The following SUSD6 variants were observed in gnomAD, a reference collection of about 807,000 sequenced individuals.
SUSD6 encodes the protein sushi domain-containing protein 6.
SUSD6 carries 16 observed loss-of-function variants against 28.4 expected under a neutral mutation model. The ratio of observed to expected loss-of-function variants is 0.56; its 90% CI spans 0.38 to 0.86. The LOEUF (loss-of-function observed/expected upper bound fraction) is 0.86, where lower values mean the gene tolerates loss of function less well. SUSD6 is among the 40% of genes least tolerant of loss of function. The pLI is 0.00. For missense variants in SUSD6, 341 were observed against 384.2 expected (o/e 0.89, Z 0.94); for synonymous variants, 147 against 159.6 (o/e 0.92, Z 0.59).
rs1372200228 is a variant in SUSD6, at chr14:69,714,963, GTCAC to G, written c.*3988_*3991del. On this transcript the variant is annotated 3_prime_UTR_variant, in exon 6 of 6. Coordinates refer to ENST00000342745, the MANE Select transcript of SUSD6 (RefSeq NM_014734.4). ...ATTCATAATTGACTCTGTGCAGGAT[GTCAC>G]TCAATCAGTTTGGGTTTGCTTTATT... 1 of 152,164 alleles carries G rather than the reference GTCAC, an allele frequency of 6.6e-6. No homozygotes were observed. Among genetic ancestry groups the G allele is most frequent in the Non-Finnish European group, 1.5e-5 (1 of 68,040 alleles). The allele number at this position is 152,164 out of a possible 1,614,324, so 9.4% of individuals were successfully genotyped here. A position where few individuals can be genotyped will look rare whatever the true frequency, so the allele number is the denominator to read the frequency against.
At chr14:69,665,274 T>A (rs940006267) in intron 2 of SUSD6, among the ~76,000 whole-genome samples, 3 of 152,088 alleles carry the variant, frequency 2.0e-5, no homozygotes, top group Non-Finnish European at 4.4e-5. Context: ...AGGGTTTCAC[T>A]CAGTTGCCCA....
chr14:69,701,525 A>G (rs1594723121), intron 2 of SUSD6, among the ~76,000 whole-genome samples: 1 of 152,176 alleles, frequency 6.6e-6, no homozygotes, highest in African/African-American at 2.4e-5. Flanking sequence ...CAAAAGAGGG[A>G]AAGTGTAAAG....
At chr14:69,701,725 A>G (rs1348213263) in intron 2 of SUSD6, among the ~76,000 whole-genome samples, 1 of 152,144 alleles carries the variant, frequency 6.6e-6, no homozygotes, top group Non-Finnish European at 1.5e-5. Flanking sequence ...ACTGGAGCTC[A>G]TCTCCTAGTT....
intron 2 of SUSD6, among the ~76,000 whole-genome samples, chr14:69,677,415 T>C (rs2139628211): frequency 6.6e-6 from 1 of 151,936 alleles, no homozygotes; most frequent in Non-Finnish European, 1.5e-5. Flanking sequence ...GGCGTGGTGG[T>C]GGACGCCTGT....
intron 1 of SUSD6, among the ~76,000 whole-genome samples, chr14:69,657,653 A>G (rs1038244658): frequency 7.2e-5 from 11 of 152,222 alleles, no homozygotes; most frequent in African/African-American, 2.7e-4. Flanking sequence ...ATAACTGGCA[A>G]ATGAAATTAA....
rs143178678 is a variant in SUSD6, at chr14:69,691,732, A to C, written c.122-11663A>C. ...TTTAGTGACAACCTTCCTTTCACAT[A>C]TCCGTCTTAGAAGTCTTGTGTTCTC... On this transcript the variant is annotated intron_variant, in intron 2 of 5. Coordinates refer to ENST00000342745, the MANE Select transcript of SUSD6 (RefSeq NM_014734.4). 1.6e-3 allele frequency among the ~76,000 whole-genome samples: 240 copies of C among 152,170 alleles called. 1 individual carries two copies. The highest frequency in any genetic ancestry group is 5.4e-3 in the African/African-American group (224 of 41,534).
At chr14:69,641,131 G>A (rs1306790082) in intron 1 of SUSD6, among the ~76,000 whole-genome samples, 1 of 152,164 alleles carries the variant, frequency 6.6e-6, no homozygotes, top group East Asian at 1.9e-4. Context: ...GTAATTCTTT[G>A]CTCCTCTGTC....
intron 2 of SUSD6, among the ~76,000 whole-genome samples, chr14:69,673,701 C>G (rs1595050805): frequency 6.6e-6 from 1 of 152,146 alleles, no homozygotes; most frequent in South Asian, 2.1e-4. Flanking sequence ...TATTCTGCCC[C>G]CTGAGGCAGC....
intron 1 of SUSD6, among the ~76,000 whole-genome samples, chr14:69,645,860 C>CAT (rs1885418673): frequency 6.6e-6 from 1 of 152,124 alleles, no homozygotes; most frequent in Admixed American, 6.5e-5. Context: ...AGCGATTCTC[C>CAT]TGCCTCAGCC....
chr14:69,657,759 T>C (rs1361981058), intron 1 of SUSD6, among the ~76,000 whole-genome samples: 1 of 152,022 alleles, frequency 6.6e-6, no homozygotes, highest in Non-Finnish European at 1.5e-5. Context: ...AAAGAATCTT[T>C]AAAGTCTTGA....
At chr14:69,685,571 G>GGT (rs1446361772) in intron 2 of SUSD6, among the ~76,000 whole-genome samples, 1 of 152,104 alleles carries the variant, frequency 6.6e-6, no homozygotes, top group Non-Finnish European at 1.5e-5. Flanking sequence ...GTAAAATGCA[G>GGT]GTGTGTGTGT....
intron 2 of SUSD6, 82 bp from the exon 3 acceptor site, chr14:69,703,313 G>A (rs1886338178): frequency 9.4e-7 from 1 of 1,066,996 alleles, no homozygotes. Context: ...TTCCTGTAGA[G>A]GCCTTCAGAG....
intron 1 of SUSD6, among the ~76,000 whole-genome samples, chr14:69,616,366 G>A (rs1299316579): frequency 2.0e-5 from 3 of 152,208 alleles, no homozygotes; most frequent in African/African-American, 7.2e-5. Flanking sequence ...AGATTAGAGT[G>A]TGGAATTGCC....
chr14:69,710,197 A>G (rs557385107), intron 5 of SUSD6, among the ~76,000 whole-genome samples: 3 of 152,294 alleles, frequency 2.0e-5, no homozygotes, highest in Middle Eastern at 3.4e-3. Flanking sequence ...TATCTTCCCA[A>G]GGAGCCAAGG....
intron 1 of SUSD6, among the ~76,000 whole-genome samples, chr14:69,626,704 G>A (rs1296717309): frequency 6.6e-6 from 1 of 151,640 alleles, no homozygotes; most frequent in Non-Finnish European, 1.5e-5. Flanking sequence ...TTTCGAGATA[G>A]GGTCTTGTTC....
intron 1 of SUSD6, among the ~76,000 whole-genome samples, chr14:69,634,086 T>G (rs1165791919): frequency 6.6e-6 from 1 of 152,218 alleles, no homozygotes; most frequent in Non-Finnish European, 1.5e-5. Flanking sequence ...GAAACTCTGG[T>G]TCATGTGGAA....
intron 5 of SUSD6, among the ~76,000 whole-genome samples, chr14:69,710,268 C>T (rs1886444223): frequency 1.3e-5 from 2 of 152,164 alleles, no homozygotes; most frequent in South Asian, 4.1e-4. Flanking sequence ...ATTTAACAAG[C>T]ATTTTGAGAG....
At chr14:69,702,483 A>G (rs1469427103) in intron 2 of SUSD6, among the ~76,000 whole-genome samples, 2 of 152,196 alleles carry the variant, frequency 1.3e-5, no homozygotes, top group African/African-American at 2.4e-5. Context: ...GGTTCCCACC[A>G]TACCTAGGCA....
At chr14:69,690,674 G>A (rs1302982546) in intron 2 of SUSD6, among the ~76,000 whole-genome samples, 1 of 152,184 alleles carries the variant, frequency 6.6e-6, no homozygotes, top group African/African-American at 2.4e-5. Context: ...ATGGCAAACT[G>A]CTTTTCCCGT....
Sources: allele counts gnomAD v4.1 joint callset (sites outside exome capture counted in the v4.1 genomes callset), GRCh38; gene constraint gnomAD v4.1.1; transcripts MANE v1.5; gene names NCBI Gene and HGNC (gene_info 2026-07-23, HGNC 2026-07-21).